The following PKD2L2 variants were observed in gnomAD, a reference collection of about 807,000 sequenced individuals.
PKD2L2 encodes polycystin 2 like 2, transient receptor potential cation channel, also known as polycystin-2-like protein 2.
In PKD2L2, 67 loss-of-function variants were observed where a neutral mutation model predicts 83.9. The ratio of observed to expected loss-of-function variants is 0.80; its 90% CI spans 0.66 to 0.98. PKD2L2 has a LOEUF of 0.98. Among genes scored for constraint, PKD2L2 ranks in the 50% least tolerant of loss-of-function variants. The pLI is 0.00. For missense variants in PKD2L2, 632 were observed against 717.2 expected (o/e 0.88, Z 1.36); for synonymous variants, 223 against 237.8 (o/e 0.94, Z 0.57).
chr5:137,935,214 T>C (rs1760224539), intron 12 of PKD2L2, among the ~76,000 whole-genome samples: 1 of 152,202 alleles, frequency 6.6e-6, no homozygotes, highest in Non-Finnish European at 1.5e-5. Context: ...AAAGGGTATT[T>C]GGACACTGTA....
intron 9 of PKD2L2, among the ~76,000 whole-genome samples, chr5:137,922,001 T>C (rs1274487579): frequency 6.6e-6 from 1 of 152,136 alleles, no homozygotes; most frequent in Admixed American, 6.6e-5. Flanking sequence ...ACATAAATAA[T>C]TGGAATGTCC....
chr5:137,889,818 G>A (rs1286191867), intron 1 of PKD2L2: 1 of 375,356 alleles, frequency 2.7e-6, no homozygotes, highest in Non-Finnish European at 4.7e-6. Flanking sequence ...GATCTGGGGA[G>A]TCGTGACCTT....
intron 12 of PKD2L2, among the ~76,000 whole-genome samples, chr5:137,929,233 G>A (rs1213689900): frequency 6.6e-6 from 1 of 151,828 alleles, no homozygotes; most frequent in Non-Finnish European, 1.5e-5. Context: ...AGGCTGAGGC[G>A]GGTGGATCAC....
chr5:137,930,066 C>T (rs564220404), intron 12 of PKD2L2, among the ~76,000 whole-genome samples: 101 of 151,748 alleles, frequency 6.7e-4, no homozygotes, highest in Middle Eastern at 3.4e-3. Flanking sequence ...AATAGGAACA[C>T]ACAAAAAAAA....
chr5:137,894,594 T>A lies in PKD2L2; in HGVS notation c.509T>A (p.Leu170His). Residue 170 changes from leucine to histidine, a missense_variant, in exon 4 of 15, where the codon CTT becomes CAT. Around this residue, in one of 3 missense-constraint regions of PKD2L2, gnomAD observed 229 missense variants for 281.5 expected, o/e 0.81. Transcript: ENST00000508883. ...AATGAAGACCTCTCTAATTTTGGCC[T>A]TCAAATTAATACTGAGTAAGTAGCA... ...SANEDLSNFG[L>H]QINTEWRYST... is the part of the protein sequence containing the mutation. The A allele has an allele frequency of 6.2e-7, 1 of 1,610,216 alleles. No homozygotes were observed. Among genetic ancestry groups the A allele is most frequent in the Non-Finnish European group, 8.5e-7 (1 of 1,177,176 alleles).
intron 8 of PKD2L2, among the ~76,000 whole-genome samples, chr5:137,909,561 T>C (rs1757642177): frequency 3.7e-5 from 2 of 53,590 alleles, no homozygotes; most frequent in South Asian, 1.5e-3. Flanking sequence ...TTTTTTTTTT[T>C]GAGACAGGGT....
intron 9 of PKD2L2, among the ~76,000 whole-genome samples, chr5:137,922,756 G>A (rs1759028736): frequency 6.6e-6 from 1 of 151,852 alleles, no homozygotes; most frequent in Non-Finnish European, 1.5e-5. Context: ...ACAAAAAAAT[G>A]CCCTTATGAA....
At chr5:137,906,142 A>C in intron 5 of PKD2L2, 64 bp from the exon 6 acceptor site, 1 of 902,580 alleles carries the variant, frequency 1.1e-6, no homozygotes, top group Non-Finnish European at 1.7e-6. Context: ...TGAAAATTTC[A>C]CATTAAGTAC....
intron 12 of PKD2L2, among the ~76,000 whole-genome samples, chr5:137,934,319 A>G (rs780083230): frequency 3.3e-5 from 5 of 152,222 alleles, no homozygotes; most frequent in African/African-American, 4.8e-5. Flanking sequence ...GGTTTTTAAA[A>G]TAAGTTTACT....
At chr5:137,898,159 G>A (rs930385919) in intron 4 of PKD2L2, among the ~76,000 whole-genome samples, 22 of 151,934 alleles carry the variant, frequency 1.4e-4, no homozygotes, top group African/African-American at 5.1e-4. Context: ...TAGAGATGGG[G>A]TTTCACCATG....
intron 10 of PKD2L2, 140 bp from the exon 11 acceptor site, chr5:137,924,899 TA>T: frequency 1.6e-6 from 1 of 619,438 alleles, no homozygotes; most frequent in South Asian, 2.1e-5. Context: ...GAAAGAAGGA[TA>T]ATCATAGCAT....
chr5:137,920,748 A>G (rs993473637), intron 8 of PKD2L2, among the ~76,000 whole-genome samples: 14 of 115,990 alleles, frequency 1.2e-4, no homozygotes, highest in African/African-American at 4.2e-4. Flanking sequence ...CAAGAGCGAA[A>G]CTCCATCTAA....
intron 2 of PKD2L2, among the ~76,000 whole-genome samples, chr5:137,891,757 C>T (rs913930680): frequency 6.6e-6 from 1 of 151,474 alleles, no homozygotes; most frequent in East Asian, 1.9e-4. Context: ...TACAGTGGCT[C>T]ACTGCAACCT....
chr5:137,937,370 C>T (rs537127577), intron 14 of PKD2L2, among the ~76,000 whole-genome samples: 12 of 152,250 alleles, frequency 7.9e-5, no homozygotes, highest in African/African-American at 1.9e-4. Flanking sequence ...GCAGGGTAGG[C>T]GTATCACTGT....
At chr5:137,938,029 A>G (rs928181087) in intron 14 of PKD2L2, 1 of 152,124 alleles carries the variant, frequency 6.6e-6, no homozygotes, top group Non-Finnish European at 1.5e-5. Context: ...ATGCCATTAT[A>G]CTGGTGGACA....
At chr5:137,897,007 A>C (rs1244411787) in intron 4 of PKD2L2, among the ~76,000 whole-genome samples, 1 of 147,058 alleles carries the variant, frequency 6.8e-6, no homozygotes, top group Non-Finnish European at 1.5e-5. Flanking sequence ...AATCGAATAC[A>C]TTCATAAGTA....
At chr5:137,898,212 C>A (rs1275334238) in intron 4 of PKD2L2, among the ~76,000 whole-genome samples, 1 of 152,076 alleles carries the variant, frequency 6.6e-6, no homozygotes. Flanking sequence ...AGTAATCCGC[C>A]CACCTCAGTC....
At chr5:137,926,202 G>A (rs572062400) in intron 12 of PKD2L2, among the ~76,000 whole-genome samples, 5 of 152,290 alleles carry the variant, frequency 3.3e-5, no homozygotes, top group African/African-American at 1.2e-4. Context: ...TATTCATAGT[G>A]AGATATTTGA....
At chr5:137,921,412 C>T (rs551896159) in intron 8 of PKD2L2, among the ~76,000 whole-genome samples, 10 of 151,174 alleles carry the variant, frequency 6.6e-5, no homozygotes, top group East Asian at 5.9e-4. Flanking sequence ...TTCATTAAAG[C>T]GGTCATTTCC....
Sources: gnomAD v4.1 joint callset for allele counts (sites outside exome capture counted in the v4.1 genomes callset) on GRCh38, gnomAD v4.1.1 for gene constraint, gnomAD v4.1.1 regional missense constraint, MANE v1.5 for transcripts, NCBI Gene and HGNC (gene_info 2026-07-23, HGNC 2026-07-21) for gene names.